Variants in ZBTB7C observed in about 807,000 individuals in gnomAD.
The protein encoded by ZBTB7C is zinc finger and BTB domain containing 7C.
In ZBTB7C, 8 loss-of-function variants were observed where a neutral mutation model predicts 25.7. The ratio of observed to expected loss-of-function variants is 0.31; its 90% CI spans 0.18 to 0.56. The LOEUF (loss-of-function observed/expected upper bound fraction) is 0.56. Ranked by LOEUF, ZBTB7C falls within the 20% of genes least tolerant of loss-of-function variation. The pLI, the probability that ZBTB7C is intolerant of heterozygous loss-of-function variation, is 0.91. For synonymous variants in ZBTB7C, 394 were observed against 369.0 expected, an observed-to-expected ratio of 1.07 and a Z score of -0.78; for missense variants, 824 against 855.2, an observed-to-expected ratio of 0.96 and a Z score of 0.46.
chr18:48,263,291 G>A (rs2044223237), intron 2 of ZBTB7C, among the ~76,000 whole-genome samples: 1 of 152,206 alleles, frequency 6.6e-6, no homozygotes, highest in African/African-American at 2.4e-5. Flanking sequence ...CAGTACACTT[G>A]CAAGTAGCAC....
intron 1 of ZBTB7C, among the ~76,000 whole-genome samples, chr18:48,356,916 A>G (rs963145036): frequency 2.6e-5 from 4 of 152,080 alleles, no homozygotes; most frequent in African/African-American, 9.7e-5. Context: ...TTCCTAACAC[A>G]CATAATCCTA....
chr18:48,125,344 C>T (rs2039765858), intron 3 of ZBTB7C, among the ~76,000 whole-genome samples: 1 of 152,176 alleles, frequency 6.6e-6, no homozygotes, highest in Non-Finnish European at 1.5e-5. Context: ...GAATTCTGGA[C>T]TAGATAGTGT....
At chr18:48,200,740 C>T (rs984498094) in intron 2 of ZBTB7C, among the ~76,000 whole-genome samples, 28 of 152,348 alleles carry the variant, frequency 1.8e-4, no homozygotes, top group African/African-American at 6.0e-4. Flanking sequence ...CTTCCGCCCT[C>T]GTCCCAGCTC....
At chr18:48,383,022 A>C (rs1447316550) in intron 1 of ZBTB7C, among the ~76,000 whole-genome samples, 1 of 152,172 alleles carries the variant, frequency 6.6e-6, no homozygotes, top group African/African-American at 2.4e-5. Flanking sequence ...GCCAGGCCAC[A>C]TGTGAATTTT....
rs2040189449 is a variant in ZBTB7C, at chr18:48,136,954, C to T, written c.-17+48980G>A. The stretch of plus-strand genomic sequence containing the variant: ...CTCCCCACGGCCCGGCCGCTGGGCT[C>T]CCCAGAGCCCCGATCCTAGCCCAGA... On this transcript the variant is annotated intron_variant, in intron 3 of 4. Coordinates refer to ENST00000590800, the MANE Select transcript of ZBTB7C (RefSeq NM_001318841.2). The T allele has an allele frequency of 5.2e-6, 5 of 967,908 alleles. No individual in the cohort carries two copies. In the South Asian group the frequency reaches 1.9e-4, roughly 37 times the overall value. The allele number at this position is 967,908 out of a possible 1,614,324, so 60.0% of individuals were successfully genotyped here.
chr18:48,116,588 C>G (rs928420468), intron 3 of ZBTB7C, among the ~76,000 whole-genome samples: 1 of 152,124 alleles, frequency 6.6e-6, no homozygotes, highest in Non-Finnish European at 1.5e-5. Flanking sequence ...GCTTTCCTAC[C>G]GCTACCCTGG....
At chr18:48,193,375 T>C (rs929364615) in intron 2 of ZBTB7C, among the ~76,000 whole-genome samples, 7 of 152,124 alleles carry the variant, frequency 4.6e-5, no homozygotes, top group Admixed American at 1.3e-4. Flanking sequence ...CCCAGCCTTT[T>C]CCTATTCCCC....
intron 2 of ZBTB7C, among the ~76,000 whole-genome samples, chr18:48,214,063 C>T (rs1401663952): frequency 1.3e-5 from 2 of 152,190 alleles, no homozygotes; most frequent in Non-Finnish European, 1.5e-5. Flanking sequence ...CTTGGTGCCA[C>T]GACACAGGGT....
chr18:48,094,864 A>C (rs1053400752), intron 3 of ZBTB7C, among the ~76,000 whole-genome samples: 6 of 152,166 alleles, frequency 3.9e-5, no homozygotes, highest in African/African-American at 1.2e-4. Context: ...ATGGAGCTGA[A>C]TGGTTCTACC....
At chr18:48,113,403 C>T (rs1188208959) in intron 3 of ZBTB7C, among the ~76,000 whole-genome samples, 1 of 152,192 alleles carries the variant, frequency 6.6e-6, no homozygotes, top group Non-Finnish European at 1.5e-5. Context: ...GGAAGATGAA[C>T]TCAAAAAAGG....
chr18:48,250,995 G>C (rs2043839666), intron 2 of ZBTB7C, among the ~76,000 whole-genome samples: 1 of 152,052 alleles, frequency 6.6e-6, no homozygotes, highest in Non-Finnish European at 1.5e-5. Flanking sequence ...AGGCTGAGTT[G>C]GGAGGATCAT....
chr18:48,230,895 T>C (rs574410486), intron 2 of ZBTB7C, among the ~76,000 whole-genome samples: 1 of 152,290 alleles, frequency 6.6e-6, no homozygotes, highest in Non-Finnish European at 1.5e-5. Context: ...GTGCCCACTC[T>C]GATTTTGGAG....
At chr18:48,161,483 C>T (rs2041029848) in intron 3 of ZBTB7C, among the ~76,000 whole-genome samples, 1 of 152,074 alleles carries the variant, frequency 6.6e-6, no homozygotes, top group Non-Finnish European at 1.5e-5. Context: ...TGCTGGGCAG[C>T]ACCCCAGTTC....
chr18:48,294,529 C>T (rs2045333107), intron 2 of ZBTB7C, among the ~76,000 whole-genome samples: 1 of 152,186 alleles, frequency 6.6e-6, no homozygotes, highest in South Asian at 2.1e-4. Context: ...TCCTACAATG[C>T]TGGGTGCAGC....
intron 1 of ZBTB7C, among the ~76,000 whole-genome samples, chr18:48,345,637 T>A (rs2046712465): frequency 6.6e-6 from 1 of 152,300 alleles, no homozygotes; most frequent in East Asian, 1.9e-4. Flanking sequence ...TTCAGCATGC[T>A]CCTTGGCAGG....
chr18:48,236,270 A>G (rs16948949), intron 2 of ZBTB7C, among the ~76,000 whole-genome samples: 9,346 of 152,268 alleles, frequency 0.061, 1,171 homozygotes, highest in East Asian at 0.48. Flanking sequence ...TAGAGAATCA[A>G]TCTAAGTTAA....
chr18:48,080,897 G>A (rs574735054), intron 3 of ZBTB7C, among the ~76,000 whole-genome samples: 2 of 152,334 alleles, frequency 1.3e-5, no homozygotes, highest in African/African-American at 4.8e-5. Flanking sequence ...GCCCGGGCAA[G>A]CCCACGTGCT....
At chr18:48,093,180 G>C (rs1305908747) in intron 3 of ZBTB7C, among the ~76,000 whole-genome samples, 1 of 152,218 alleles carries the variant, frequency 6.6e-6, no homozygotes, top group Non-Finnish European at 1.5e-5. Flanking sequence ...CTAGGGTAAG[G>C]GAGCTGGGCC....
chr18:48,064,868 C>T (rs1418991075), intron 3 of ZBTB7C, among the ~76,000 whole-genome samples: 1 of 152,174 alleles, frequency 6.6e-6, no homozygotes, highest in Non-Finnish European at 1.5e-5. Flanking sequence ...AGGAAAATGG[C>T]AGGAGAAGAC....
Sources: allele counts gnomAD v4.1 joint callset (sites outside exome capture counted in the v4.1 genomes callset), GRCh38; gene constraint gnomAD v4.1.1; transcripts MANE v1.5; gene names NCBI Gene and HGNC (gene_info 2026-07-23, HGNC 2026-07-21).